Variants in GAP43 observed in about 807,000 individuals in gnomAD.
GAP43 encodes neuromodulin.
Under a neutral mutation model 18.6 loss-of-function variants are expected in GAP43, and 6 were observed. That is an observed-to-expected ratio of 0.32 (90% CI 0.18 to 0.64). The LOEUF (loss-of-function observed/expected upper bound fraction) is 0.64. GAP43 is among the 30% of genes least tolerant of loss of function. GAP43 has a pLI of 0.78. For missense variants in GAP43, 292 were observed against 295.5 expected, an observed-to-expected ratio of 0.99 and a Z score of 0.09; for synonymous variants, 115 against 111.4, an observed-to-expected ratio of 1.03 and a Z score of -0.20.
At chr3:115,664,535 A>G (rs1708707726) in intron 1 of GAP43, among the ~76,000 whole-genome samples, 1 of 152,174 alleles carries the variant, frequency 6.6e-6, no homozygotes, top group African/African-American at 2.4e-5. Context: ...AAATTAAGTA[A>G]TTTATCCCAG....
intron 1 of GAP43, chr3:115,658,946 T>C (rs1421068477): frequency 1.3e-5 from 2 of 152,392 alleles, no homozygotes; most frequent in Non-Finnish European, 2.9e-5. Context: ...TTCCGGGGAC[T>C]GAGCAGCCCT....
rs1194367054 is a variant in GAP43, at chr3:115,721,394, T to C, written c.*512T>C. The C allele has an allele frequency of 1.3e-5, 2 of 152,184 alleles. No homozygotes were observed. The highest frequency in any genetic ancestry group is 4.8e-5 in the African/African-American group (2 of 41,438). 9.4% of individuals were successfully genotyped at this position (152,184 alleles called of 1,614,324 possible). ...AAACCCAGTTTGTTTTAAAAATAAA[T>C]AAATAAAGCAAATGTGCCAATTAGC... On this transcript the variant is annotated 3_prime_UTR_variant, in exon 3 of 3. Coordinates refer to ENST00000305124, the MANE Select transcript of GAP43 (RefSeq NM_002045.4).
At chr3:115,623,792 C>CA in intron 1 of GAP43, 73 bp downstream of exon 1, 1 of 1,533,886 alleles carries the variant, frequency 6.5e-7, no homozygotes, top group South Asian at 1.1e-5. Flanking sequence ...TAAAGGCAAA[C>CA]AATTTTTTTA....
chr3:115,631,435 G>C lies in GAP43; in HGVS notation c.30+7716G>C, dbSNP rs148533179. Reference sequence around the variant, plus strand: ...TAGGTTGGTGTGAGTCTCAAATAAAGAGATAACAATAAAAGTGTTTTGCAA... The same window carrying C: ...TAGGTTGGTGTGAGTCTCAAATAAACAGATAACAATAAAAGTGTTTTGCAA... On this transcript the variant is annotated intron_variant, in intron 1 of 2. Coordinates refer to ENST00000305124, the MANE Select transcript of GAP43 (RefSeq NM_002045.4). Among the ~76,000 whole-genome samples the C allele has an allele frequency of 5.8e-3, 889 of 152,258 alleles. 12 individuals carry two copies. Among genetic ancestry groups the C allele is most frequent in the African/African-American group, 0.02 (847 of 41,554 alleles).
chr3:115,670,852 G>C (rs537558325), intron 1 of GAP43, among the ~76,000 whole-genome samples: 1 of 152,204 alleles, frequency 6.6e-6, no homozygotes, highest in South Asian at 2.1e-4. Context: ...GGCCTTTCAA[G>C]TTTGTTCTCA....
At chr3:115,632,289 A>G (rs1224116426) in intron 1 of GAP43, among the ~76,000 whole-genome samples, 1 of 152,040 alleles carries the variant, frequency 6.6e-6, no homozygotes, top group Non-Finnish European at 1.5e-5. Context: ...TGGTTGGGAG[A>G]CTGAAAATGT....
At chr3:115,668,201 G>C (rs1201927403) in intron 1 of GAP43, among the ~76,000 whole-genome samples, 1 of 152,136 alleles carries the variant, frequency 6.6e-6, no homozygotes, top group African/African-American at 2.4e-5. Context: ...AAGTGATTCT[G>C]TCTGGCTTGT....
intron 2 of GAP43, among the ~76,000 whole-genome samples, chr3:115,713,768 A>G (rs1285291234): frequency 1.3e-5 from 2 of 152,228 alleles, no homozygotes; most frequent in African/African-American, 2.4e-5. Flanking sequence ...CTACCATTAC[A>G]TTGTTGTAAA....
intron 1 of GAP43, among the ~76,000 whole-genome samples, chr3:115,661,904 A>G (rs1204644835): frequency 6.9e-6 from 1 of 145,464 alleles, no homozygotes; most frequent in Non-Finnish European, 1.5e-5. Context: ...GTGGGAAGAT[A>G]GGGACCATTT....
intron 2 of GAP43, among the ~76,000 whole-genome samples, chr3:115,700,331 T>A (rs781258757): frequency 6.6e-6 from 1 of 152,140 alleles, no homozygotes; most frequent in Non-Finnish European, 1.5e-5. Flanking sequence ...TCCTCCCTCT[T>A]CCTAGATGAT....
At chr3:115,635,961 T>A (rs1056359946) in intron 1 of GAP43, among the ~76,000 whole-genome samples, 8 of 152,090 alleles carry the variant, frequency 5.3e-5, no homozygotes, top group African/African-American at 1.9e-4. Flanking sequence ...TCCCGTGTCA[T>A]TGGAAACTGA....
intron 1 of GAP43, 105 bp from the exon 2 acceptor site, chr3:115,675,908 G>T: frequency 2.7e-6 from 4 of 1,481,068 alleles, no homozygotes; most frequent in Non-Finnish European, 3.6e-6. Flanking sequence ...CAAAAACAGT[G>T]CCTGGCACAA....
chr3:115,672,953 G>A (rs1289139210), intron 1 of GAP43, among the ~76,000 whole-genome samples: 3 of 152,034 alleles, frequency 2.0e-5, no homozygotes, highest in South Asian at 2.1e-4. Context: ...ATCTTTTTGG[G>A]TATAGTCACT....
At chr3:115,645,060 A>G (rs1708441593) in intron 1 of GAP43, among the ~76,000 whole-genome samples, 1 of 152,046 alleles carries the variant, frequency 6.6e-6, no homozygotes, top group Non-Finnish European at 1.5e-5. Flanking sequence ...TTGTTTATCA[A>G]TAGATCATCT....
intron 2 of GAP43, among the ~76,000 whole-genome samples, chr3:115,694,097 C>T (rs933624831): frequency 6.6e-6 from 1 of 152,124 alleles, no homozygotes. Flanking sequence ...AGCCATTTGT[C>T]CCCGTCACTT....
At chr3:115,638,024 A>G (rs1708352436) in intron 1 of GAP43, among the ~76,000 whole-genome samples, 1 of 152,088 alleles carries the variant, frequency 6.6e-6, no homozygotes, top group South Asian at 2.1e-4. Flanking sequence ...AAACAAAAGA[A>G]AGAAATATGT....
intron 2 of GAP43, among the ~76,000 whole-genome samples, chr3:115,707,148 T>C (rs1184125749): frequency 2.6e-5 from 4 of 152,210 alleles, no homozygotes; most frequent in Non-Finnish European, 5.9e-5. Flanking sequence ...AATATGTCAT[T>C]TATTGATATG....
At chr3:115,668,661 T>C (rs1008620793) in intron 1 of GAP43, among the ~76,000 whole-genome samples, 1 of 152,010 alleles carries the variant, frequency 6.6e-6, no homozygotes, top group Admixed American at 6.5e-5. Context: ...TGACCTCAGG[T>C]GATCTGCCCA....
chr3:115,653,805 T>C lies in GAP43; in HGVS notation c.31-22208T>C, dbSNP rs145347783. ...GAGTAATGCCATCCAAATGTAGGTATTGCTATTATATTAAAAATAACACTT... is the reference window on the plus strand; with the variant it reads ...GAGTAATGCCATCCAAATGTAGGTACTGCTATTATATTAAAAATAACACTT... On this transcript the variant is annotated intron_variant, in intron 1 of 2. Transcript: ENST00000305124. Among the ~76,000 whole-genome samples, 91 of 152,328 alleles carry C rather than the reference T, an allele frequency of 6.0e-4. 1 individual carries two copies. In the East Asian group the frequency reaches 0.017, roughly 29 times the overall value.
Sources: gnomAD v4.1 joint callset for allele counts (sites outside exome capture counted in the v4.1 genomes callset) on GRCh38, gnomAD v4.1.1 for gene constraint, MANE v1.5 for transcripts, NCBI Gene and HGNC (gene_info 2026-07-23, HGNC 2026-07-21) for gene names.